The following SCAI variants were observed in gnomAD, a reference collection of about 807,000 sequenced individuals.
SCAI encodes the protein protein SCAI.
Under a neutral mutation model 92.2 loss-of-function variants are expected in SCAI, and 24 were observed. That is an observed-to-expected ratio of 0.26 (90% CI 0.19 to 0.37). SCAI has a LOEUF of 0.37. Ranked by LOEUF, SCAI falls within the 10% of genes least tolerant of loss-of-function variation. The probability of loss-of-function intolerance (pLI) is 1.00; values close to 1 mark genes in which losing one functional copy is unlikely to be tolerated. For missense variants in SCAI, 450 were observed against 736.2 expected, an observed-to-expected ratio of 0.61 and a Z score of 4.50; for synonymous variants, 261 against 258.6, an observed-to-expected ratio of 1.01 and a Z score of -0.09.
chr9:125,084,677 T>C (rs1019113289), intron 2 of SCAI, among the ~76,000 whole-genome samples: 11 of 152,196 alleles, frequency 7.2e-5, no homozygotes, highest in African/African-American at 2.7e-4. Context: ...CCCTTCAGGA[T>C]TTCCCTTTCC....
chr9:124,988,835 A>C (rs1318728980), intron 14 of SCAI, among the ~76,000 whole-genome samples: 14 of 152,240 alleles, frequency 9.2e-5, no homozygotes, highest in Admixed American at 2.6e-4. Flanking sequence ...GTTAAGCACC[A>C]TAGTTAAAAG....
chr9:125,009,379 C>T (rs1832583291), intron 9 of SCAI, among the ~76,000 whole-genome samples: 1 of 152,182 alleles, frequency 6.6e-6, no homozygotes, highest in East Asian at 1.9e-4. Flanking sequence ...AAGCAATTCT[C>T]CTGCCTCAGC....
intron 2 of SCAI, among the ~76,000 whole-genome samples, chr9:125,130,477 T>A (rs1366167026): frequency 1.3e-5 from 2 of 152,100 alleles, no homozygotes; most frequent in Admixed American, 1.3e-4. Flanking sequence ...GTAAATTATA[T>A]ACCAACTTTT....
rs1350518719 is a variant in SCAI, at chr9:124,945,291, C to G, written c.*7516G>C. On this transcript the variant is annotated 3_prime_UTR_variant, in exon 18 of 18. Transcript: ENST00000336505. ...TTTTTTTAGGCCGGCCACAGTGGCT[C>G]ACACCTGTAATCCCAGCACTTTGGG... is the stretch of plus-strand genomic sequence containing the variant. The G allele has an allele frequency of 6.6e-6, 1 of 152,212 alleles. No homozygotes were observed. The highest frequency in any genetic ancestry group is 1.9e-4 in the East Asian group (1 of 5,196). The allele number at this position is 152,212 out of a possible 1,614,324, so 9.4% of individuals were successfully genotyped here.
chr9:125,082,743 T>C (rs979411726), intron 2 of SCAI, among the ~76,000 whole-genome samples: 2 of 152,260 alleles, frequency 1.3e-5, no homozygotes, highest in African/African-American at 4.8e-5. Context: ...CTGCTGGATT[T>C]TGGACTTGCA....
intron 17 of SCAI, chr9:124,968,937 T>A: frequency 2.3e-6 from 1 of 427,200 alleles, no homozygotes; most frequent in Non-Finnish European, 4.2e-6. Flanking sequence ...TTCCAATTTA[T>A]TTTTTGGAAA....
intron 17 of SCAI, among the ~76,000 whole-genome samples, chr9:124,955,166 TAAAAA>T (rs58659477): frequency 9.0e-6 from 1 of 111,266 alleles, no homozygotes; most frequent in Non-Finnish European, 1.9e-5. Context: ...AGACTCCGTC[TAAAAA>T]AAAAAAAAAA....
rs143460244 is a variant in SCAI at position 125,053,354 on chromosome 9, G to A, written c.230+2522C>T. 2.9e-3 allele frequency among the ~76,000 whole-genome samples: 444 copies of A among 152,024 alleles called. 5 individuals are homozygous for A. The highest frequency in any genetic ancestry group is 0.01 in the African/African-American group (427 of 41,486). ...TGTCTCAAAAAAAAGGAAAACCTACGCTCACATAAAAACTTGTATACAAAT... is the reference window on the plus strand; with the variant it reads ...TGTCTCAAAAAAAAGGAAAACCTACACTCACATAAAAACTTGTATACAAAT... On this transcript the variant is annotated intron_variant, in intron 3 of 17. Transcript: ENST00000336505.
At chr9:125,055,547 T>C (rs534195818) in intron 3 of SCAI, among the ~76,000 whole-genome samples, 1 of 152,318 alleles carries the variant, frequency 6.6e-6, no homozygotes, top group Non-Finnish European at 1.5e-5. Context: ...CCACATTCAA[T>C]TGCATATGCA....
chr9:125,032,195 A>ATATATTTTT lies in SCAI; in HGVS notation c.231-2457_231-2456insAAAAATATA, dbSNP rs1177865840. ...AATATATATATATATATATATATAT[A>ATATATTTTT]TTTTTTTTTTTTTTTGAGATGGAGT... On this transcript the variant is annotated intron_variant, in intron 3 of 17. Coordinates refer to ENST00000336505, the MANE Select transcript of SCAI (RefSeq NM_001144877.3). Among the ~76,000 whole-genome samples the ATATATTTTT allele has an allele frequency of 5.4e-3, 539 of 99,364 alleles. 4 individuals carry two copies. Among genetic ancestry groups the ATATATTTTT allele is most frequent in the Non-Finnish European group, 7.1e-3 (398 of 56,062 alleles). The allele number at this position is 99,364 out of a possible 152,430, so 65.2% of individuals were successfully genotyped here. A position where few individuals can be genotyped will look rare whatever the true frequency, so the allele number is the denominator to read the frequency against.
Position 125,069,617 on chromosome 9 carries a change from C to CTTT in SCAI, c.99-13613_99-13611dup, listed in dbSNP as rs919064250. On this transcript the variant is annotated intron_variant, in intron 2 of 17. Coordinates refer to ENST00000336505, the MANE Select transcript of SCAI (RefSeq NM_001144877.3). ...ACAGGCGTCAGCCATTGCACCCGGT[C>CTTT]TTTTTTTTTTTTTTTTTTTTTTTGA... Among the ~76,000 whole-genome samples the CTTT allele has an allele frequency of 6.0e-4, 55 of 91,020 alleles. 1 individual carries two copies. The highest frequency in any genetic ancestry group is 1.1e-3 in the South Asian group (3 of 2,664). 59.7% of individuals were successfully genotyped at this position (91,020 alleles called of 152,430 possible). A position where few individuals can be genotyped will look rare whatever the true frequency, so the allele number is the denominator to read the frequency against.
chr9:125,036,995 G>T (rs1212574756), intron 3 of SCAI, among the ~76,000 whole-genome samples: 3 of 152,086 alleles, frequency 2.0e-5, no homozygotes, highest in Non-Finnish European at 4.4e-5. Flanking sequence ...CAGGCCAGGT[G>T]CAGTGGCTCA....
chr9:125,014,861 C>G (rs1199072388), intron 9 of SCAI, among the ~76,000 whole-genome samples: 1 of 152,062 alleles, frequency 6.6e-6, no homozygotes, highest in Non-Finnish European at 1.5e-5. Context: ...AGAACAGAGC[C>G]CTCAGAAATA....
chr9:125,122,588 C>CAAAA (rs34757267), intron 2 of SCAI, among the ~76,000 whole-genome samples: 28 of 59,948 alleles, frequency 4.7e-4, no homozygotes, highest in African/African-American at 1.3e-3. Flanking sequence ...GACTCCATCT[C>CAAAA]AAAAAAAAAA....
At chr9:125,085,922 A>G (rs1834317742) in intron 2 of SCAI, among the ~76,000 whole-genome samples, 1 of 152,194 alleles carries the variant, frequency 6.6e-6, no homozygotes, top group African/African-American at 2.4e-5. Context: ...TCAAGCTGAC[A>G]CATCCTCTTC....
chr9:125,104,191 A>G (rs1834730551), intron 2 of SCAI, among the ~76,000 whole-genome samples: 1 of 152,256 alleles, frequency 6.6e-6, no homozygotes, highest in South Asian at 2.1e-4. Context: ...GAACAGAATC[A>G]TTCCAGTCCA....
chr9:125,069,937 T>A (rs1434997339), intron 2 of SCAI, among the ~76,000 whole-genome samples: 2 of 152,062 alleles, frequency 1.3e-5, no homozygotes, highest in Admixed American at 1.3e-4. Context: ...CTCATATTTT[T>A]AAAAAACATA....
At chr9:124,958,013 C>T (rs938317401) in intron 17 of SCAI, among the ~76,000 whole-genome samples, 1 of 152,062 alleles carries the variant, frequency 6.6e-6, no homozygotes, top group African/African-American at 2.4e-5. Context: ...CATACTGGAA[C>T]ATAAAATATT....
chr9:125,122,627 C>G (rs1402333499), intron 2 of SCAI, among the ~76,000 whole-genome samples: 3 of 141,742 alleles, frequency 2.1e-5, no homozygotes, highest in Admixed American at 1.4e-4. Flanking sequence ...TGGTTGTGCA[C>G]TGTGCAGTGG....
Sources: gnomAD v4.1 joint callset for allele counts (sites outside exome capture counted in the v4.1 genomes callset) on GRCh38, gnomAD v4.1.1 for gene constraint, MANE v1.5 for transcripts, NCBI Gene and HGNC (gene_info 2026-07-23, HGNC 2026-07-21) for gene names.